KCNC4: variants seen among roughly 807,000 people sequenced by gnomAD.
KCNC4 encodes the protein voltage-gated potassium channel KCNC4.
In KCNC4, 23 loss-of-function variants were observed where a neutral mutation model predicts 42.8. The ratio of observed to expected loss-of-function variants is 0.54; its 90% CI spans 0.39 to 0.76. The LOEUF (loss-of-function observed/expected upper bound fraction) is 0.76, where lower values mean the gene tolerates loss of function less well. Among genes scored for constraint, KCNC4 ranks in the 30% least tolerant of loss-of-function variants. The pLI is 0.00. For missense variants in KCNC4, 751 were observed against 898.2 expected, an observed-to-expected ratio of 0.84 and a Z score of 2.10; for synonymous variants, 422 against 393.5, an observed-to-expected ratio of 1.07 and a Z score of -0.86.
chr1:110,211,973 C>G lies in KCNC4; in HGVS notation c.474C>G (p.Leu158=). The G allele has an allele frequency of 1.2e-6, 2 of 1,610,874 alleles. No homozygotes were observed. The highest frequency in any genetic ancestry group is 1.7e-6 in the Non-Finnish European group (2 of 1,179,574). Residue 158 remains leucine, a synonymous_variant, in exon 1 of 4, where the codon CTC becomes CTG. Transcript: ENST00000438661. This position sits in a 1 kb window ranked among gnomAD's most constrained non-coding sequence, Gnocchi z 6.5. ...AGCACCGCGACGCCGAGGAGGCGCT[C>G]GACATCTTCGAGAGCCCGGACGGAG... ...YRQHRDAEEA[L]DIFESPDGGG... is the part of the protein sequence containing the mutation.
intron 1 of KCNC4, among the ~76,000 whole-genome samples, chr1:110,278,200 A>G (rs543200564): frequency 3.9e-5 from 3 of 75,950 alleles, no homozygotes; most frequent in East Asian, 4.0e-4. Flanking sequence ...CGGAAGGAGG[A>G]AAAAAAAAAG....
intron 1 of KCNC4, among the ~76,000 whole-genome samples, chr1:110,219,417 AC>A (rs1277567081): frequency 2.0e-5 from 3 of 152,202 alleles, no homozygotes; most frequent in Admixed American, 2.0e-4. Context: ...TGCAGAAGTT[AC>A]CATTCATTTA....
intron 1 of KCNC4, among the ~76,000 whole-genome samples, chr1:110,271,532 C>T (rs1337586694): frequency 6.6e-6 from 1 of 152,110 alleles, no homozygotes; most frequent in Non-Finnish European, 1.5e-5. Context: ...TCATGTGAAC[C>T]CAGATCTGTT....
intron 1 of KCNC4, among the ~76,000 whole-genome samples, chr1:110,277,330 C>T (rs1343175147): frequency 6.6e-6 from 1 of 152,182 alleles, no homozygotes; most frequent in African/African-American, 2.4e-5. Flanking sequence ...CTTTTAATGC[C>T]ACGGGCAACT....
At position 110,211,897 on chromosome 1, in the gene KCNC4, G is replaced by C; in HGVS notation, c.398G>C (p.Trp133Ser). 4 of 1,611,668 alleles carry C rather than the reference G, an allele frequency of 2.5e-6. No homozygotes were observed. Among genetic ancestry groups the C allele is most frequent in the Non-Finnish European group, 3.4e-6 (4 of 1,179,828 alleles). The change falls in exon 1 of 4, where the codon TGG becomes TCG. Residue 133 changes from tryptophan to serine, a missense_variant. Trp to Ser is a radical substitution (Grantham distance 177). Coordinates refer to ENST00000438661, the MANE Select transcript of KCNC4 (RefSeq NM_001039574.3). The surrounding 1 kb of genome is among the most constrained non-coding windows in gnomAD (Gnocchi z 6.5). ...CTCTTCGAAGAGGAGCTCACCTTCT[G>C]GGGCATCGACGAGACCGACGTGGAA... ...GPLFEEELTFWGIDETDVEPC... is the reference protein window; with the variant it reads ...GPLFEEELTFSGIDETDVEPC...
At chr1:110,241,831 CACTT>C (rs1256124013) in exon 4 of KCNC4, 1 of 152,186 alleles carries the variant, frequency 6.6e-6, no homozygotes, top group East Asian at 1.9e-4. Context: ...TCCATTATAG[CACTT>C]ACTGCAGTGA....
intron 1 of KCNC4, among the ~76,000 whole-genome samples, chr1:110,265,667 C>T (rs2101080318): frequency 6.6e-6 from 1 of 152,290 alleles, no homozygotes; most frequent in Admixed American, 6.5e-5. Context: ...TCCATTTTAG[C>T]ACCAGGGAGC....
chr1:110,238,774 TCCTTAA>T (rs1313077170), downstream of KCNC4: 1 of 152,154 alleles, frequency 6.6e-6, no homozygotes, highest in Non-Finnish European at 1.5e-5. Flanking sequence ...ACCCTCTCAT[TCCTTAA>T]TTCACTCACT....
intron 1 of KCNC4, among the ~76,000 whole-genome samples, chr1:110,265,186 AC>A: frequency 6.6e-6 from 1 of 151,748 alleles, no homozygotes; most frequent in African/African-American, 2.4e-5. Flanking sequence ...AACTTCTTTT[AC>A]CCTGTCCCTT....
Position 110,223,329 on chromosome 1 carries a change from G to A in KCNC4, c.1044G>A (p.Val348=). 6.2e-7 allele frequency: 1 copy of A among 1,614,024 alleles called. No homozygotes were observed. The highest frequency in any genetic ancestry group is 8.5e-7 in the Non-Finnish European group (1 of 1,179,988). The change falls in exon 2 of 4, where the codon GTG becomes GTA. Residue 348 remains valine, a synonymous_variant. Coordinates refer to ENST00000438661, the MANE Select transcript of KCNC4 (RefSeq NM_001039574.3). The surrounding 1 kb of genome is among the most constrained non-coding windows in gnomAD (Gnocchi z 7.5). ...AARDVLGFLR[V]VRFVRILRIF... ...GCGACGTGCTGGGCTTCCTGCGCGT[G>A]GTGCGCTTCGTGCGCATCCTGCGTA...
chr1:110,232,357 A>C (rs1658738371), intron 3 of KCNC4: 1 of 1,593,702 alleles, frequency 6.3e-7, no homozygotes, highest in Admixed American at 1.7e-5. Context: ...AGCCTTCTTC[A>C]CCAGCTCCTT....
At chr1:110,222,672 G>T in intron 1 of KCNC4, 1 of 391,334 alleles carries the variant, frequency 2.6e-6, no homozygotes, top group Admixed American at 3.9e-5. Flanking sequence ...GGTCAGAGGT[G>T]GGCAGAGCTA....
Position 110,211,638 on chromosome 1 carries a change from C to CA in KCNC4, c.140dup (p.His47GlnfsTer2). On this transcript the variant is annotated frameshift_variant, in exon 1 of 4. Transcript: ENST00000438661. LOFTEE classifies it high-confidence loss of function. This position sits in a 1 kb window ranked among gnomAD's most constrained non-coding sequence, Gnocchi z 6.5. ...CATCATCAACGTGGGCGGCACGCGA[C>CA]ATGAGACCTACCGCAGCACCCTGCG... 1 of 1,613,858 alleles carries CA rather than the reference C, an allele frequency of 6.2e-7. No homozygotes were observed. Among genetic ancestry groups the CA allele is most frequent in the Non-Finnish European group, 8.5e-7 (1 of 1,179,932 alleles).
At chr1:110,266,656 A>T (rs948907378) in intron 1 of KCNC4, among the ~76,000 whole-genome samples, 1 of 152,202 alleles carries the variant, frequency 6.6e-6, no homozygotes, top group African/African-American at 2.4e-5. Context: ...ATTTGAACCC[A>T]GCCTAGCTCC....
At chr1:110,235,555 G>A (rs1455779660), downstream of KCNC4, 1 of 152,280 alleles carries the variant, frequency 6.6e-6, no homozygotes, top group African/African-American at 2.4e-5. Context: ...TGGTCCTGAG[G>A]GGACTGAAGG....
At chr1:110,254,502 G>A (rs980771944) in intron 1 of KCNC4, among the ~76,000 whole-genome samples, 2 of 152,220 alleles carry the variant, frequency 1.3e-5, no homozygotes, top group Admixed American at 6.5e-5. Flanking sequence ...TGTGGAGGAG[G>A]CCAGGTTGGA....
intron 1 of KCNC4, among the ~76,000 whole-genome samples, chr1:110,281,555 AAC>A (rs55839432): frequency 0.014 from 1,939 of 140,418 alleles, 31 homozygotes; most frequent in African/African-American, 0.037. Context: ...CATATGTAAA[AAC>A]ACACACACAC....
chr1:110,233,276 A>G lies in KCNC4; in HGVS notation c.*304A>G. On this transcript the variant is annotated 3_prime_UTR_variant, in exon 4 of 4. Coordinates refer to ENST00000438661, the MANE Select transcript of KCNC4 (RefSeq NM_001039574.3). ...CTTCTTTGTTAGGCTGTGTCTCCCT[A>G]AGCCCTTGCCCCACCCAGAGTTTCC... 1 of 485,964 alleles carries G rather than the reference A, an allele frequency of 2.1e-6. No individual in the cohort carries two copies. The highest frequency in any genetic ancestry group is 3.7e-6 in the Non-Finnish European group (1 of 271,586). 30.1% of individuals were successfully genotyped at this position (485,964 alleles called of 1,614,324 possible).
chr1:110,226,592 A>G lies in KCNC4; in HGVS notation c.1819+414A>G, dbSNP rs1027480411. The stretch of plus-strand genomic sequence containing the variant: ...GGCTTCCCAAGTAGGTGACCCCTCG[A>G]GGTGCCAACAACGTTCAAGAGTCAG... On this transcript the variant is annotated intron_variant, in intron 3 of 3. Transcript: ENST00000438661. 1.1e-4 allele frequency among the ~76,000 whole-genome samples: 16 copies of G among 152,144 alleles called. 1 individual carries two copies. The highest frequency in any genetic ancestry group is 2.1e-4 in the Non-Finnish European group (14 of 68,026).
Sources: gnomAD v4.1 joint callset for allele counts (sites outside exome capture counted in the v4.1 genomes callset) on GRCh38, gnomAD v4.1.1 for gene constraint, Gnocchi (gnomAD v3.1) non-coding constraint, MANE v1.5 for transcripts, NCBI Gene and HGNC (gene_info 2026-07-23, HGNC 2026-07-21) for gene names.